Variants in PTK2B observed in about 807,000 individuals in gnomAD.
PTK2B encodes the protein protein-tyrosine kinase 2-beta.
A neutral mutation model predicts 142.9 loss-of-function variants in PTK2B; 71 were observed. That is an observed-to-expected ratio of 0.50 (90% CI 0.41 to 0.61). The LOEUF (loss-of-function observed/expected upper bound fraction) is 0.61, where lower values mean the gene tolerates loss of function less well. Ranked by LOEUF, PTK2B falls within the 20% of genes least tolerant of loss-of-function variation. The probability of loss-of-function intolerance (pLI) is 0.00; values close to 1 mark genes in which losing one functional copy is unlikely to be tolerated. For missense variants in PTK2B, 1,105 were observed against 1,320.4 expected (o/e 0.84, Z 2.53); for synonymous variants, 519 against 503.4 (o/e 1.03, Z -0.42).
intron 2 of PTK2B, 143 bp downstream of exon 2, chr8:27,397,931 C>A: frequency 1.0e-6 from 1 of 1,000,680 alleles, no homozygotes; most frequent in South Asian, 1.5e-5. Flanking sequence ...GAGATGTGCT[C>A]AGCCTGCATC....
intron 10 of PTK2B, 110 bp from the exon 11 acceptor site, chr8:27,433,325 G>T (rs1479573284): frequency 1.1e-6 from 1 of 899,730 alleles, no homozygotes; most frequent in East Asian, 2.4e-5. Context: ...GACAGCATTG[G>T]CATCCAGGCA....
At chr8:27,310,721 G>A (rs1455880937), upstream of PTK2B, 5 of 1,445,646 alleles carry the variant, frequency 3.5e-6, no homozygotes, top group East Asian at 2.4e-5. Flanking sequence ...CTGGCAGGCA[G>A]GAGGGGCGGG....
At chr8:27,316,665 G>A (rs1221086210) in intron 3 of PTK2B, among the ~76,000 whole-genome samples, 1 of 152,212 alleles carries the variant, frequency 6.6e-6, no homozygotes, top group Non-Finnish European at 1.5e-5. Context: ...AAATCTTTGA[G>A]GAAATCACTG....
rs1454664285 is a variant in PTK2B at position 27,459,331 on chromosome 8, A to G, written c.*822A>G. The stretch of plus-strand genomic sequence containing the variant: ...TCTTTTCTCATGTGTTTGCATAAAC[A>G]TTCTTTTAACTTCTTTCTATTTGAC... On this transcript the variant is annotated 3_prime_UTR_variant, in exon 31 of 31. Coordinates refer to ENST00000346049, the MANE Select transcript of PTK2B (RefSeq NM_173176.3). 1 of 233,162 alleles carries G rather than the reference A, an allele frequency of 4.3e-6. No individual in the cohort carries two copies. The highest frequency in any genetic ancestry group is 8.5e-6 in the Non-Finnish European group (1 of 118,082). 14.4% of individuals were successfully genotyped at this position (233,162 alleles called of 1,614,324 possible). A position where few individuals can be genotyped will look rare whatever the true frequency, so the allele number is the denominator to read the frequency against.
At chr8:27,319,133 AT>A (rs961752887) in intron 3 of PTK2B, among the ~76,000 whole-genome samples, 3 of 151,552 alleles carry the variant, frequency 2.0e-5, no homozygotes, top group African/African-American at 7.3e-5. Flanking sequence ...TATTTTGTTC[AT>A]TTTTTTTAAC....
At chr8:27,399,941 G>A (rs893163110) in intron 2 of PTK2B, among the ~76,000 whole-genome samples, 3 of 152,196 alleles carry the variant, frequency 2.0e-5, no homozygotes, top group Non-Finnish European at 2.9e-5. Context: ...TGGTGGAGGA[G>A]AAGCACAAAG....
At chr8:27,410,049 G>C (rs1192085552) in intron 2 of PTK2B, among the ~76,000 whole-genome samples, 2 of 152,200 alleles carry the variant, frequency 1.3e-5, no homozygotes, top group African/African-American at 4.8e-5. Context: ...AAAAGCTTAA[G>C]TGTAGTTTAT....
At chr8:27,323,637 T>C (rs1803275056), upstream of PTK2B, among the ~76,000 whole-genome samples, 1 of 152,212 alleles carries the variant, frequency 6.6e-6, no homozygotes, top group African/African-American at 2.4e-5. Flanking sequence ...TGATGGGTTT[T>C]TTTAAAAGGC....
intron 3 of PTK2B, among the ~76,000 whole-genome samples, chr8:27,315,353 T>A (rs1398598378): frequency 6.6e-6 from 1 of 152,160 alleles, no homozygotes; most frequent in Non-Finnish European, 1.5e-5. Flanking sequence ...TTATCCTAGA[T>A]CTATTCACCC....
intron 2 of PTK2B, 21 bp from the exon 3 acceptor site, chr8:27,419,874 C>CCT: frequency 6.2e-7 from 1 of 1,613,008 alleles, no homozygotes; most frequent in East Asian, 2.2e-5. Context: ...CTGAGTCATG[C>CCT]CTCTCTCTTC....
chr8:27,454,307 G>A lies in PTK2B; in HGVS notation c.2733+16G>A, dbSNP rs770257397. 5 of 1,607,384 alleles carry A rather than the reference G, an allele frequency of 3.1e-6. No homozygotes were observed. In the African/African-American group the frequency reaches 5.4e-5, roughly 17 times the overall value. ...GGTGGTGAAGGTGAGAGCAGGGCTG[G>A]GTTGGGGAGGTGGAGGCGGCTCAAG... On this transcript the variant is annotated intron_variant, in intron 29 of 30. Coordinates refer to ENST00000346049, the MANE Select transcript of PTK2B (RefSeq NM_173176.3).
At chr8:27,404,270 A>T (rs1808569137) in intron 2 of PTK2B, among the ~76,000 whole-genome samples, 1 of 152,078 alleles carries the variant, frequency 6.6e-6, no homozygotes, top group African/African-American at 2.4e-5. Context: ...TCTGCCTATC[A>T]CAAGACCATC....
intron 11 of PTK2B, 102 bp downstream of exon 11, chr8:27,433,654 A>G: frequency 9.9e-7 from 1 of 1,010,212 alleles, no homozygotes; most frequent in Non-Finnish European, 1.5e-6. Context: ...GGATAAGTGA[A>G]TGAGGATTCT....
intron 1 of PTK2B, among the ~76,000 whole-genome samples, chr8:27,325,905 T>C (rs1472721648): frequency 6.6e-6 from 1 of 152,188 alleles, no homozygotes; most frequent in Non-Finnish European, 1.5e-5. Flanking sequence ...GGAGTAAATT[T>C]GACACTATAG....
At chr8:27,353,997 TGTG>T (rs1207002697) in intron 1 of PTK2B, among the ~76,000 whole-genome samples, 1 of 152,116 alleles carries the variant, frequency 6.6e-6, no homozygotes, top group Non-Finnish European at 1.5e-5. Flanking sequence ...TGAACTCAGG[TGTG>T]GTGGGAATCA....
At chr8:27,418,069 C>T (rs1393878087) in intron 2 of PTK2B, among the ~76,000 whole-genome samples, 1 of 152,202 alleles carries the variant, frequency 6.6e-6, no homozygotes, top group Non-Finnish European at 1.5e-5. Context: ...AGTCTTCATC[C>T]CCTCCAGGGC....
At chr8:27,400,594 G>T (rs368734241) in intron 2 of PTK2B, among the ~76,000 whole-genome samples, 1 of 152,168 alleles carries the variant, frequency 6.6e-6, no homozygotes, top group Non-Finnish European at 1.5e-5. Context: ...TAAGGAGACA[G>T]AGTCAATAGA....
intron 1 of PTK2B, among the ~76,000 whole-genome samples, chr8:27,332,578 A>ATT (rs369672058): frequency 6.8e-6 from 1 of 147,412 alleles, no homozygotes; most frequent in Non-Finnish European, 1.5e-5. Context: ...TCTTCCCCCA[A>ATT]TTTTTTTTTT....
At chr8:27,455,678 T>C (rs1219876505) in intron 30 of PTK2B, among the ~76,000 whole-genome samples, 2 of 152,218 alleles carry the variant, frequency 1.3e-5, no homozygotes, top group Non-Finnish European at 2.9e-5. Flanking sequence ...AAGGCAAGTC[T>C]CCTCTGTAGC....
Sources: gnomAD v4.1 joint callset for allele counts (sites outside exome capture counted in the v4.1 genomes callset) on GRCh38, gnomAD v4.1.1 for gene constraint, MANE v1.5 for transcripts, NCBI Gene and HGNC (gene_info 2026-07-23, HGNC 2026-07-21) for gene names.